DCAF10: variants seen among roughly 807,000 people sequenced by gnomAD.
DCAF10 encodes DDB1 and CUL4 associated factor 10, also known as DDB1- and CUL4-associated factor 10.
Under a neutral mutation model 51.9 loss-of-function variants are expected in DCAF10, and 19 were observed. The observed-to-expected ratio is 0.37, with a 90% CI of 0.26 to 0.54. The LOEUF (loss-of-function observed/expected upper bound fraction) is 0.54. Ranked by LOEUF, DCAF10 falls within the 20% of genes least tolerant of loss-of-function variation. The pLI, the probability that DCAF10 is intolerant of heterozygous loss-of-function variation, is 0.87. For missense variants in DCAF10, 510 were observed against 730.6 expected (o/e 0.70, Z 3.48); for synonymous variants, 291 against 297.1 (o/e 0.98, Z 0.21).
Position 37,851,667 on chromosome 9 carries a change from C to T in DCAF10, c.852-3113C>T, listed in dbSNP as rs1011091079. Among the ~76,000 whole-genome samples, 6 of 151,236 alleles carry T rather than the reference C, an allele frequency of 4.0e-5. No individual in the cohort carries two copies. The South Asian group carries it at 6.2e-4, about 16-fold the overall frequency. On this transcript the variant is annotated intron_variant, in intron 3 of 6. Coordinates refer to ENST00000377724, the MANE Select transcript of DCAF10 (RefSeq NM_024345.5). The stretch of plus-strand genomic sequence containing the variant: ...AAAATTAGCTGGGCGTGATGGCAGG[C>T]GCTTGTAATCCCGGTTACTCGGGAG...
intron 1 of DCAF10, among the ~76,000 whole-genome samples, chr9:37,813,829 T>C (rs950147143): frequency 6.6e-6 from 1 of 152,006 alleles, no homozygotes; most frequent in Admixed American, 6.6e-5. Context: ...CAGTATAAAT[T>C]ATAAAATATT....
At chr9:37,815,064 A>C (rs1006663271) in intron 1 of DCAF10, among the ~76,000 whole-genome samples, 2 of 152,222 alleles carry the variant, frequency 1.3e-5, no homozygotes, top group Admixed American at 1.3e-4. Context: ...AATATATTAA[A>C]GGAAAAATAT....
Position 37,819,413 on chromosome 9 carries a change from A to C in DCAF10, c.653+12A>C. The C allele has an allele frequency of 6.3e-7, 1 of 1,593,606 alleles. No individual in the cohort carries two copies. Among genetic ancestry groups the C allele is most frequent in the African/African-American group, 1.3e-5 (1 of 74,416 alleles). On this transcript the variant is annotated intron_variant, in intron 2 of 6. Transcript: ENST00000377724. Reference sequence around the variant, plus strand: ...GTAAATAATATCAGGTTAGTATTATAGTGAAAAAGTGAACTTTATCAGTGT... The same window carrying C: ...GTAAATAATATCAGGTTAGTATTATCGTGAAAAAGTGAACTTTATCAGTGT...
chr9:37,812,617 A>C (rs1167030211), intron 1 of DCAF10, among the ~76,000 whole-genome samples: 1 of 152,208 alleles, frequency 6.6e-6, no homozygotes. Flanking sequence ...TATGCGTGTA[A>C]ATCAAAATGA....
At chr9:37,832,136 A>C (rs1180357197) in intron 2 of DCAF10, 2 of 137,876 alleles carry the variant, frequency 1.5e-5, no homozygotes, top group Non-Finnish European at 3.3e-5. Context: ...GAATCGCTTG[A>C]ACCATCTAAA....
In DCAF10 at chr9:37,866,571, G is replaced by C. The variant is rs1018312478; in HGVS notation, c.*5063G>C. On this transcript the variant is annotated 3_prime_UTR_variant, in exon 7 of 7. Transcript: ENST00000377724. Reference sequence around the variant, plus strand: ...ACTTTCTTCTAATGTGCTGTTATGAGCTTTGGACATGAGATAACCGTGCCT... The same window carrying C: ...ACTTTCTTCTAATGTGCTGTTATGACCTTTGGACATGAGATAACCGTGCCT... 1 of 152,282 alleles carries C rather than the reference G, an allele frequency of 6.6e-6. No individual in the cohort carries two copies. The highest frequency in any genetic ancestry group is 1.5e-5 in the Non-Finnish European group (1 of 68,046). 9.4% of individuals were successfully genotyped at this position (152,282 alleles called of 1,614,324 possible).
Position 37,864,782 on chromosome 9 carries a change from G to A in DCAF10, c.*3274G>A, listed in dbSNP as rs1348949878. 6.6e-6 allele frequency: 1 copy of A among 152,074 alleles called. No individual in the cohort carries two copies. The highest frequency in any genetic ancestry group is 1.9e-4 in the East Asian group (1 of 5,194). 9.4% of individuals were successfully genotyped at this position (152,074 alleles called of 1,614,324 possible). ...TTACCCAACTCAAAATTCAGCCAAT[G>A]ATTCTTTACTATAGAGTACCTATCA... is the stretch of plus-strand genomic sequence containing the variant. On this transcript the variant is annotated 3_prime_UTR_variant, in exon 7 of 7. Transcript: ENST00000377724.
At chr9:37,842,860 A>G (rs1257427496) in intron 3 of DCAF10, among the ~76,000 whole-genome samples, 1 of 152,260 alleles carries the variant, frequency 6.6e-6, no homozygotes, top group Non-Finnish European at 1.5e-5. Context: ...AATGCCAGTT[A>G]TGCCTCTGTT....
intron 3 of DCAF10, among the ~76,000 whole-genome samples, chr9:37,852,930 T>TTATATA (rs59469290): frequency 0.031 from 3,384 of 108,562 alleles, 85 homozygotes; most frequent in East Asian, 0.043. Context: ...GTATGTGAGG[T>TTATATA]TATATATATA....
At chr9:37,804,518 T>C (rs1829053362) in intron 1 of DCAF10, among the ~76,000 whole-genome samples, 1 of 152,182 alleles carries the variant, frequency 6.6e-6, no homozygotes, top group Admixed American at 6.5e-5. Context: ...GGCTCACGCC[T>C]GTAATCCCAG....
In DCAF10 at chr9:37,861,795, C is replaced by T. The variant is rs960609897; in HGVS notation, c.*287C>T. ...GGTCATTTTGCATGGTAGCTCTTGTCACGTTCCTTCCTTCCTCACTCTCTA... is the reference window on the plus strand; with the variant it reads ...GGTCATTTTGCATGGTAGCTCTTGTTACGTTCCTTCCTTCCTCACTCTCTA... On this transcript the variant is annotated 3_prime_UTR_variant, in exon 7 of 7. Transcript: ENST00000377724. The surrounding 1 kb of genome is among the most constrained non-coding windows in gnomAD (Gnocchi z 4.9). 5 of 305,838 alleles carry T rather than the reference C, an allele frequency of 1.6e-5. No homozygotes were observed. Among genetic ancestry groups the T allele is most frequent in the South Asian group, 1.5e-4 (2 of 13,620 alleles). The allele number at this position is 305,838 out of a possible 1,614,324, so 18.9% of individuals were successfully genotyped here.
intron 5 of DCAF10, among the ~76,000 whole-genome samples, chr9:37,859,348 G>A (rs1340266332): frequency 6.6e-6 from 1 of 152,128 alleles, no homozygotes; most frequent in African/African-American, 2.4e-5. Flanking sequence ...CTATGAAAGT[G>A]GTTTTTCACG....
chr9:37,845,386 A>G (rs1830445752), intron 3 of DCAF10, among the ~76,000 whole-genome samples: 1 of 152,230 alleles, frequency 6.6e-6, no homozygotes, highest in Non-Finnish European at 1.5e-5. Flanking sequence ...AACTAATATC[A>G]GCAATAAAAA....
At chr9:37,848,124 A>T (rs1830530489) in intron 3 of DCAF10, among the ~76,000 whole-genome samples, 1 of 152,204 alleles carries the variant, frequency 6.6e-6, no homozygotes, top group Admixed American at 6.5e-5. Context: ...TGCTGGTGGG[A>T]ATGTAAAATG....
At chr9:37,851,463 A>G (rs1042671803) in intron 3 of DCAF10, among the ~76,000 whole-genome samples, 2 of 146,772 alleles carry the variant, frequency 1.4e-5, no homozygotes, top group African/African-American at 4.9e-5. Flanking sequence ...TACAGGCATG[A>G]GCCACTGCAC....
In DCAF10 at chr9:37,861,003, G is replaced by C. The variant is rs1830997997; in HGVS notation, c.1312-137G>C. On this transcript the variant is annotated intron_variant, in intron 6 of 6. Transcript: ENST00000377724. The surrounding 1 kb of genome is among the most constrained non-coding windows in gnomAD (Gnocchi z 4.9). Reference sequence around the variant, plus strand: ...CCTACAAGTTTTGTTAGTTGGGAGGGGGATAGCATTATTCTGAGTGATTTC... The same window carrying C: ...CCTACAAGTTTTGTTAGTTGGGAGGCGGATAGCATTATTCTGAGTGATTTC... The C allele has an allele frequency of 5.8e-6, 7 of 1,209,888 alleles. No individual in the cohort carries two copies. The highest frequency in any genetic ancestry group is 1.5e-5 in the African/African-American group (1 of 66,122). The allele number at this position is 1,209,888 out of a possible 1,614,324, so 74.9% of individuals were successfully genotyped here. A position where few individuals can be genotyped will look rare whatever the true frequency, so the allele number is the denominator to read the frequency against.
At position 37,860,395 on chromosome 9, in the gene DCAF10, C is replaced by T. The variant is rs531135521; in HGVS notation, c.1311+202C>T. On this transcript the variant is annotated intron_variant, in intron 6 of 6. Transcript: ENST00000377724. ...TCCCTTCCAAACTCTTCTTATTCCT[C>T]TCCTGCTGGGGTTGAGCAAGGTGGG... 10 of 596,160 alleles carry T rather than the reference C, an allele frequency of 1.7e-5. No individual in the cohort carries two copies. In the East Asian group the frequency reaches 2.9e-4, roughly 17 times the overall value. 36.9% of individuals were successfully genotyped at this position (596,160 alleles called of 1,614,324 possible). A position where few individuals can be genotyped will look rare whatever the true frequency, so the allele number is the denominator to read the frequency against.
chr9:37,835,476 G>A (rs1372805895), intron 2 of DCAF10, among the ~76,000 whole-genome samples: 4 of 152,116 alleles, frequency 2.6e-5, no homozygotes, highest in Admixed American at 1.3e-4. Context: ...CTACTCAGGA[G>A]GCTGAGGCAG....
chr9:37,821,206 G>A (rs1303098654), intron 2 of DCAF10, among the ~76,000 whole-genome samples: 2 of 152,014 alleles, frequency 1.3e-5, no homozygotes, highest in East Asian at 1.9e-4. Flanking sequence ...CATGTTTAGA[G>A]ATCATTTGAT....
Sources: gnomAD v4.1 joint callset for allele counts (sites outside exome capture counted in the v4.1 genomes callset) on GRCh38, gnomAD v4.1.1 for gene constraint, Gnocchi (gnomAD v3.1) non-coding constraint, MANE v1.5 for transcripts, NCBI Gene and HGNC (gene_info 2026-07-23, HGNC 2026-07-21) for gene names.